The following NDP variants were observed in gnomAD, a reference collection of about 807,000 sequenced individuals.
NDP encodes norrin.
In NDP, 2 loss-of-function variants were observed where a neutral mutation model predicts 8.4. The observed-to-expected ratio is 0.24, with a 90% CI of 0.10 to 0.75. The LOEUF (loss-of-function observed/expected upper bound fraction) is 0.75, where lower values mean the gene tolerates loss of function less well. Ranked by LOEUF, NDP falls within the 30% of genes least tolerant of loss-of-function variation. NDP has a pLI of 0.73. For missense variants in NDP, 81 were observed against 110.1 expected (o/e 0.74, Z 1.18); for synonymous variants, 55 against 45.6 (o/e 1.21, Z -0.83).
chrX:43,957,901 G>A (rs994883082), intron 2 of NDP, among the ~76,000 whole-genome samples: 5 of 106,303 alleles, frequency 4.7e-5, no homozygotes, highest in African/African-American at 1.7e-4. Flanking sequence ...ACTGAGGCAC[G>A]GACTGCCTCT....
At chrX:43,961,009 C>T (rs962823701) in intron 1 of NDP, 3 of 112,435 alleles carry the variant, frequency 2.7e-5, no homozygotes, top group African/African-American at 9.7e-5. Context: ...TATTTATTGG[C>T]ATTTCCACTT....
At chrX:43,969,624 A>G (rs1232116905) in intron 1 of NDP, 1 of 112,162 alleles carries the variant, frequency 8.9e-6, no homozygotes, top group African/African-American at 3.2e-5. Context: ...CCTCTCTGTG[A>G]GTGGATTCAG....
rs5952410 is a variant in NDP, at chrX:43,958,577, G to C, written c.69C>G (p.Asp23Glu). Reference protein sequence around the residue: ...LSLLVIMGDTDSKTDSSFIMD... With the variant: ...LSLLVIMGDTESKTDSSFIMD... ...TTATGAATGAGCTGTCCGTTTTACT[G>C]TCTGTATCTCCCATTATCACCAGCA... The change falls in exon 2 of 3, where the codon GAC (aspartate) becomes GAG (glutamate). Residue 23 changes from aspartate to glutamate, a missense_variant. Asp to Glu is a conservative substitution (Grantham distance 45, BLOSUM62 2). Coordinates refer to ENST00000642620, the MANE Select transcript of NDP (RefSeq NM_000266.4). 9.8e-4 allele frequency: 1,190 copies of C among 1,209,455 alleles called. 9 individuals are homozygous for C. In the African/African-American group the frequency reaches 0.018, roughly 18 times the overall value.
intron 1 of NDP, among the ~76,000 whole-genome samples, chrX:43,966,142 G>T (rs2035856758): frequency 8.9e-6 from 1 of 112,183 alleles, no homozygotes; most frequent in Non-Finnish European, 1.9e-5. Context: ...TTCCTCTAGG[G>T]ATTTGATTAT....
chrX:43,972,429 T>C (rs941743317), intron 1 of NDP, among the ~76,000 whole-genome samples: 6 of 111,129 alleles, frequency 5.4e-5, no homozygotes, highest in African/African-American at 2.0e-4. Flanking sequence ...AGAGAGAACT[T>C]GTATTCCAAA....
At chrX:43,972,913 A>G (rs1292436538) in intron 1 of NDP, among the ~76,000 whole-genome samples, 1 of 112,687 alleles carries the variant, frequency 8.9e-6, no homozygotes, top group Non-Finnish European at 1.9e-5. Flanking sequence ...CCCCATTGTA[A>G]GTGGGATGAG....
intron 1 of NDP, among the ~76,000 whole-genome samples, chrX:43,961,087 C>A (rs1313005072): frequency 8.9e-6 from 1 of 112,425 alleles, no homozygotes; most frequent in Admixed American, 9.4e-5. Context: ...ATAAAAGTCT[C>A]ATTTAAGAGA....
chrX:43,953,392 C>A (rs191104641), intron 2 of NDP: 1 of 112,093 alleles, frequency 8.9e-6, no homozygotes, highest in Non-Finnish European at 1.9e-5. Flanking sequence ...CATCTAGGAT[C>A]TTGTTAAAAG....
Position 43,949,620 on chromosome X carries a change from T to A in NDP, c.*179A>T. On this transcript the variant is annotated 3_prime_UTR_variant, in exon 3 of 3. Coordinates refer to ENST00000642620, the MANE Select transcript of NDP (RefSeq NM_000266.4). The stretch of plus-strand genomic sequence containing the variant: ...AAAGGAGATGGGAACTGCAAAGAAG[T>A]TCCCAGAGTATCTCTCTCTGTCAAC... The A allele has an allele frequency of 2.1e-6, 1 of 471,464 alleles. No individual in the cohort carries two copies. The highest frequency in any genetic ancestry group is 3.2e-5 in the Admixed American group (1 of 30,841). The allele number at this position is 471,464 out of a possible 1,213,427, so 38.9% of individuals were successfully genotyped here.
intron 1 of NDP, among the ~76,000 whole-genome samples, chrX:43,967,825 G>A (rs1049428577): frequency 1.1e-4 from 12 of 110,795 alleles, no homozygotes; most frequent in Admixed American, 8.7e-4. Flanking sequence ...TTAGCCTGTT[G>A]CCCTTTCATT....
intron 1 of NDP, among the ~76,000 whole-genome samples, chrX:43,966,073 T>C (rs916868838): frequency 1.8e-5 from 2 of 112,276 alleles, no homozygotes; most frequent in Non-Finnish European, 3.8e-5. Flanking sequence ...CTTGCATAAA[T>C]TGGAAATGAC....
Position 43,954,236 on chromosome X carries a change from A to G in NDP, c.175-4210T>C, listed in dbSNP as rs1183139384. Among the ~76,000 whole-genome samples the G allele has an allele frequency of 3.0e-4, 33 of 111,117 alleles. No individual in the cohort carries two copies. In the Admixed American group the frequency reaches 3.2e-3, roughly 11 times the overall value. Reference sequence around the variant, plus strand: ...CAGCCTCATAACTCCGCTCATCTTCAGGGACCCAGGTCAACCTCCAAAAGA... The same window carrying G: ...CAGCCTCATAACTCCGCTCATCTTCGGGGACCCAGGTCAACCTCCAAAAGA... On this transcript the variant is annotated intron_variant, in intron 2 of 2. Coordinates refer to ENST00000642620, the MANE Select transcript of NDP (RefSeq NM_000266.4).
In NDP at chrX:43,949,937, G is replaced by A; in HGVS notation, c.264C>T (p.Pro88=). The A allele has an allele frequency of 8.3e-7, 1 of 1,207,895 alleles. No homozygotes were observed. The highest frequency in any genetic ancestry group is 1.7e-5 in the African/African-American group (1 of 57,777). The part of the protein sequence containing the change: ...LVSFSTVLKQ[P]FRSSCHCCRP... ...GGCAGCAGTGACAGGAGGAACGGAA[G>A]GGTTGCTTGAGGACAGTGCTGAACG... The change falls in exon 3 of 3, where the codon CCC becomes CCT. Residue 88 remains proline, a synonymous_variant. Coordinates refer to ENST00000642620, the MANE Select transcript of NDP (RefSeq NM_000266.4).
Position 43,949,829 on chromosome X carries a change from G to A in NDP, c.372C>T (p.Leu124=), listed in dbSNP as rs749818420. 5.9e-6 allele frequency: 7 copies of A among 1,182,400 alleles called. No homozygotes were observed. The highest frequency in any genetic ancestry group is 7.9e-6 in the Non-Finnish European group (7 of 881,147). Reference sequence around the variant, plus strand: ...AATTGCATTCCTCGCAGTGACAGGAGAGGATGTACCGGTAGGTGGCAGTGA... The same window carrying A: ...AATTGCATTCCTCGCAGTGACAGGAAAGGATGTACCGGTAGGTGGCAGTGA... ...MRLTATYRYI[L]SCHCEECNS is the part of the protein sequence containing the mutation. Residue 124 remains leucine (L), a synonymous_variant, in exon 3 of 3, where the codon CTC becomes CTT. Coordinates refer to ENST00000642620, the MANE Select transcript of NDP (RefSeq NM_000266.4).
intron 2 of NDP, among the ~76,000 whole-genome samples, chrX:43,955,140 A>G (rs2035785189): frequency 1.8e-5 from 2 of 112,367 alleles, no homozygotes; most frequent in Admixed American, 1.9e-4. Flanking sequence ...GTGCTTAACA[A>G]GAACTACAAT....
intron 2 of NDP, 95 bp downstream of exon 2, chrX:43,958,377 G>A (rs2035807568): frequency 3.9e-6 from 4 of 1,035,479 alleles, no homozygotes; most frequent in Non-Finnish European, 5.4e-6. Flanking sequence ...CTTAAGTTTG[G>A]GCTATGATCT....
At chrX:43,952,273 C>T (rs1038085988) in intron 2 of NDP, among the ~76,000 whole-genome samples, 1 of 111,666 alleles carries the variant, frequency 9.0e-6, no homozygotes, top group Non-Finnish European at 1.9e-5. Flanking sequence ...AGTCTGTTCT[C>T]CCCCCATCTC....
intron 2 of NDP, among the ~76,000 whole-genome samples, chrX:43,953,127 AAC>A (rs58114928): frequency 0.018 from 1,776 of 97,610 alleles, 19 homozygotes; most frequent in Non-Finnish European, 0.022. Flanking sequence ...TGATGTTCTC[AAC>A]ACACACACAC....
At chrX:43,969,625 G>A (rs939498974) in intron 1 of NDP, 3 of 112,388 alleles carry the variant, frequency 2.7e-5, no homozygotes, top group Non-Finnish European at 5.6e-5. Context: ...CTCTCTGTGA[G>A]TGGATTCAGG....
Sources: gnomAD v4.1 joint callset for allele counts (sites outside exome capture counted in the v4.1 genomes callset) on GRCh38, gnomAD v4.1.1 for gene constraint, MANE v1.5 for transcripts, NCBI Gene and HGNC (gene_info 2026-07-23, HGNC 2026-07-21) for gene names.